LENG1: variants seen among roughly 807,000 people sequenced by gnomAD.
The protein encoded by LENG1 is leukocyte receptor cluster member 1, also known as leukocyte receptor cluster (LRC) member 1.
A neutral mutation model predicts 28.8 loss-of-function variants in LENG1; 35 were observed. The observed-to-expected ratio is 1.22, with a 90% CI of 0.93 to 1.61. LENG1 has a LOEUF of 1.61. Ranked by LOEUF, LENG1 falls within the 40% of genes most tolerant of loss-of-function variation. The pLI is 0.00. For missense variants in LENG1, 404 were observed against 348.9 expected, an observed-to-expected ratio of 1.16 and a Z score of -1.26; for synonymous variants, 170 against 140.6, an observed-to-expected ratio of 1.21 and a Z score of -1.48.
In LENG1 at chr19:54,155,830, C is replaced by T. The variant is rs762570847; in HGVS notation, c.686G>A (p.Gly229Asp). 3 of 1,612,634 alleles carry T rather than the reference C, an allele frequency of 1.9e-6. No individual in the cohort carries two copies. The South Asian group carries it at 3.3e-5, about 18-fold the overall frequency. Residue 229 changes from glycine (G) to aspartate (D), a missense_variant, in exon 4 of 4, where the codon GGT (glycine) becomes GAT (aspartate). Coordinates refer to ENST00000222224, the MANE Select transcript of LENG1 (RefSeq NM_024316.3). ...ARVQGRALQE[G>D]QPEEDETDDR... is the part of the protein sequence containing the mutation. ...ATCCGTCTCGTCTTCTTCCGGCTGA[C>T]CCTCCTGTAGTGCCCGGCCTTGGAC...
chr19:54,157,220 G>T (rs530630680), intron 2 of LENG1, among the ~76,000 whole-genome samples, 195 bp from the exon 3 acceptor site: 2 of 152,170 alleles, frequency 1.3e-5, no homozygotes, highest in Non-Finnish European at 2.9e-5. Context: ...AACAGCAGGG[G>T]AAGGAGGGGA....
Position 54,155,872 on chromosome 19 carries a change from T to G in LENG1, c.644A>C (p.Glu215Ala). The change falls in exon 4 of 4, where the codon GAG becomes GCG. Residue 215 changes from glutamate to alanine, a missense_variant. Glu to Ala is a moderately radical substitution (Grantham distance 107). Coordinates refer to ENST00000222224, the MANE Select transcript of LENG1 (RefSeq NM_024316.3). ...RREAAERSRAEALLARVQGRA... is the reference protein window; with the variant it reads ...RREAAERSRAAALLARVQGRA... The stretch of plus-strand genomic sequence containing the variant: ...GCCTTGGACCCGGGCCAGCAGGGCC[T>G]CTGCCCGAGACCTCTCAGCTGCTTC... 6.2e-7 allele frequency: 1 copy of G among 1,612,942 alleles called. No individual in the cohort carries two copies. Among genetic ancestry groups the G allele is most frequent in the Non-Finnish European group, 8.5e-7 (1 of 1,179,838 alleles).
At chr19:54,158,151 C>T (rs2075429283) in intron 2 of LENG1, 131 bp downstream of exon 2, 1 of 872,788 alleles carries the variant, frequency 1.1e-6, no homozygotes, top group East Asian at 2.4e-5. Flanking sequence ...TTTTGAGTGT[C>T]ATGCCTTGGT....
At chr19:54,159,476 G>C in intron 1 of LENG1, 88 bp downstream of exon 1, 1 of 1,360,362 alleles carries the variant, frequency 7.4e-7, no homozygotes, top group Non-Finnish European at 9.7e-7. Context: ...GGCACATTGA[G>C]CCTGCGCAAC....
chr19:54,157,028 G>T lies in LENG1; in HGVS notation c.313-3C>A. 6.6e-7 allele frequency: 1 copy of T among 1,525,914 alleles called. No homozygotes were observed. Among genetic ancestry groups the T allele is most frequent in the Non-Finnish European group, 8.8e-7 (1 of 1,136,956 alleles). 94.5% of individuals were successfully genotyped at this position (1,525,914 alleles called of 1,614,324 possible). A position where few individuals can be genotyped will look rare whatever the true frequency, so the allele number is the denominator to read the frequency against. ...CCCAGAGCTTTCTCTTGCCTCTCCTGAGGGGGCCAGGAAATACAAGAGATG... is the reference window on the plus strand; with the variant it reads ...CCCAGAGCTTTCTCTTGCCTCTCCTTAGGGGGCCAGGAAATACAAGAGATG... On this transcript the variant is annotated splice_polypyrimidine_tract_variant and splice_region_variant and intron_variant, in intron 2 of 3. Transcript: ENST00000222224.
rs1420993067 is a variant in LENG1, at chr19:54,155,891, C to CT, written c.624dup (p.Ala209SerfsTer2). On this transcript the variant is annotated frameshift_variant, in exon 4 of 4. Transcript: ENST00000222224. LOFTEE classifies it high-confidence loss of function. ...AGGGCCTCTGCCCGAGACCTCTCAG[C>CT]TGCTTCCCTCCGCAGACGTTCAGCT... is the stretch of plus-strand genomic sequence containing the variant. 1 of 1,612,632 alleles carries CT rather than the reference C, an allele frequency of 6.2e-7. No homozygotes were observed. The highest frequency in any genetic ancestry group is 1.3e-5 in the African/African-American group (1 of 74,948).
rs1325130340 is a variant in LENG1 at position 54,155,708 on chromosome 19, A to ACC, written c.*11_*12dup. ...GGCTGGCAGCAGCGGCCTCTCCTGT[A>ACC]CCCCCTCAGGAGTCAGTGAGTAAGG... On this transcript the variant is annotated 3_prime_UTR_variant, in exon 4 of 4. Coordinates refer to ENST00000222224, the MANE Select transcript of LENG1 (RefSeq NM_024316.3). 8.1e-6 allele frequency: 13 copies of ACC among 1,597,752 alleles called. No homozygotes were observed. The highest frequency in any genetic ancestry group is 1.1e-5 in the Non-Finnish European group (13 of 1,169,852).
At position 54,155,945 on chromosome 19, in the gene LENG1, G is replaced by A. The variant is rs1405493714; in HGVS notation, c.576-5C>T. Reference sequence around the variant, plus strand: ...AGCTGGTCCAGGGATGGAGGCCTGTGGGGAGAGGAGTGAGGTCAGAAAGCT... The same window carrying A: ...AGCTGGTCCAGGGATGGAGGCCTGTAGGGAGAGGAGTGAGGTCAGAAAGCT... On this transcript the variant is annotated splice_polypyrimidine_tract_variant and splice_region_variant and intron_variant, in intron 3 of 3. Transcript: ENST00000222224. The A allele has an allele frequency of 1.2e-6, 2 of 1,602,096 alleles. No individual in the cohort carries two copies. Among genetic ancestry groups the A allele is most frequent in the South Asian group, 2.2e-5 (2 of 89,272 alleles).
chr19:54,155,888 C>T lies in LENG1; in HGVS notation c.628G>A (p.Glu210Lys). The T allele has an allele frequency of 1.9e-6, 3 of 1,612,842 alleles. No homozygotes were observed. Among genetic ancestry groups the T allele is most frequent in the South Asian group, 2.2e-5 (2 of 90,832 alleles). Reference protein sequence around the residue: ...RAERLRREAAERSRAEALLAR... With the variant: ...RAERLRREAAKRSRAEALLAR... ...AGCAGGGCCTCTGCCCGAGACCTCT[C>T]AGCTGCTTCCCTCCGCAGACGTTCA... is the stretch of plus-strand genomic sequence containing the variant. The change falls in exon 4 of 4, where the codon GAG (glutamate) becomes AAG (lysine). Residue 210 changes from glutamate to lysine, a missense_variant. Glu to Lys is a moderately conservative substitution (Grantham distance 56). Transcript: ENST00000222224.
rs1471296402 is a variant in LENG1, at chr19:54,159,598, T to G, written c.98A>C (p.Glu33Ala). 1 of 1,604,108 alleles carries G rather than the reference T, an allele frequency of 6.2e-7. No homozygotes were observed. Among genetic ancestry groups the G allele is most frequent in the East Asian group, 2.2e-5 (1 of 44,648 alleles). The stretch of plus-strand genomic sequence containing the variant: ...AGCCAGCAGCACCCTCCGCTCACGC[T>G]CCTTCTCCTCCTCCCGGGCCTGGGC... The part of the protein sequence containing the change: ...DEAQAREEEK[E>A]RERRVLLAQQ... The change falls in exon 1 of 4, where the codon GAG (glutamate) becomes GCG (alanine). Residue 33 changes from glutamate to alanine, a missense_variant. Transcript: ENST00000222224.
Position 54,159,590 on chromosome 19 carries a change from G to C in LENG1, c.106C>G (p.Arg36Gly). The C allele has an allele frequency of 6.3e-7, 1 of 1,597,218 alleles. No homozygotes were observed. The highest frequency in any genetic ancestry group is 8.5e-7 in the Non-Finnish European group (1 of 1,171,662). The change falls in exon 1 of 4, where the codon CGG becomes GGG. Residue 36 changes from arginine to glycine, a missense_variant. By Grantham distance (125) the Arg-to-Gly change is moderately radical. Transcript: ENST00000222224. Reference sequence around the variant, plus strand: ...TCTTGCTGAGCCAGCAGCACCCTCCGCTCACGCTCCTTCTCCTCCTCCCGG... The same window carrying C: ...TCTTGCTGAGCCAGCAGCACCCTCCCCTCACGCTCCTTCTCCTCCTCCCGG... The part of the protein sequence containing the change: ...QAREEEKERE[R>G]RVLLAQQEAR...
chr19:54,157,191 G>C (rs1429053280), intron 2 of LENG1, among the ~76,000 whole-genome samples, 166 bp from the exon 3 acceptor site: 2 of 152,158 alleles, frequency 1.3e-5, no homozygotes, highest in Non-Finnish European at 2.9e-5. Flanking sequence ...CCCCCTGGGG[G>C]GACAGTAGCA....
rs757411240 is a variant in LENG1 at position 54,156,809 on chromosome 19, G to A, written c.529C>T (p.Arg177Cys). ...KRQHGGDEGSRSRKEKEGSEK... is the reference protein window; with the variant it reads ...KRQHGGDEGSCSRKEKEGSEK... ...GACCCCTCCTTTTCCTTTCTGCTGC[G>A]ACTGCCTTCATCACCGCCGTGCTGT... Residue 177 changes from arginine (R) to cysteine (C), a missense_variant, in exon 3 of 4, where the codon CGC becomes TGC. Coordinates refer to ENST00000222224, the MANE Select transcript of LENG1 (RefSeq NM_024316.3). The A allele has an allele frequency of 1.6e-5, 26 of 1,613,614 alleles. No individual in the cohort carries two copies. The highest frequency in any genetic ancestry group is 6.7e-5 in the East Asian group (3 of 44,874).
At chr19:54,157,516 A>G (rs1422020754) in intron 2 of LENG1, among the ~76,000 whole-genome samples, 10 of 152,020 alleles carry the variant, frequency 6.6e-5, no homozygotes, top group Non-Finnish European at 1.3e-4. Context: ...TTACAGGCAC[A>G]CACCACCATG....
chr19:54,158,563 TTA>T, intron 1 of LENG1, 102 bp from the exon 2 acceptor site: 1 of 1,160,992 alleles, frequency 8.6e-7, no homozygotes, highest in South Asian at 1.5e-5. Context: ...GGTGCTGGGG[TTA>T]TGAGAAAGGG....
rs774614836 is a variant in LENG1, at chr19:54,155,820, T to C, written c.696A>G (p.Glu232=). Residue 232 remains glutamate (E), a synonymous_variant, in exon 4 of 4, where the codon GAA becomes GAG. Transcript: ENST00000222224. ...GCCGCCGGTCATCCGTCTCGTCTTC[T>C]TCCGGCTGACCCTCCTGTAGTGCCC... ...QGRALQEGQP[E]EDETDDRRRR... is the part of the protein sequence containing the mutation. The C allele has an allele frequency of 6.2e-7, 1 of 1,612,666 alleles. No homozygotes were observed. The highest frequency in any genetic ancestry group is 1.1e-5 in the South Asian group (1 of 90,848).
chr19:54,159,656 T>G lies in LENG1; in HGVS notation c.40A>C (p.Lys14Gln), dbSNP rs953092587. 3.1e-6 allele frequency: 5 copies of G among 1,613,458 alleles called. No individual in the cohort carries two copies. Among genetic ancestry groups the G allele is most frequent in the Admixed American group, 1.7e-5 (1 of 59,948 alleles). ...CGCCGCACGCGGGCGACATTGTCCTTGTTCCGGACGTGCCAGCTCTTCTTG... is the reference window on the plus strand; with the variant it reads ...CGCCGCACGCGGGCGACATTGTCCTGGTTCCGGACGTGCCAGCTCTTCTTG... ...LPKKSWHVRNKDNVARVRRDE... is the reference protein window; with the variant it reads ...LPKKSWHVRNQDNVARVRRDE... Residue 14 changes from lysine (K) to glutamine (Q), a missense_variant, in exon 1 of 4, where the codon AAG (lysine) becomes CAG (glutamine). By Grantham distance (53) the Lys-to-Gln change is moderately conservative. Coordinates refer to ENST00000222224, the MANE Select transcript of LENG1 (RefSeq NM_024316.3).
chr19:54,159,641 G>A lies in LENG1; in HGVS notation c.55C>T (p.Arg19Cys). 2.5e-6 allele frequency: 4 copies of A among 1,613,174 alleles called. 1 individual carries two copies. The highest frequency in any genetic ancestry group is 3.3e-4 in the Middle Eastern group (2 of 6,056). The change falls in exon 1 of 4, where the codon CGC becomes TGC. Residue 19 changes from arginine to cysteine, a missense_variant. By Grantham distance (180) the Arg-to-Cys change is radical (BLOSUM62 -3). Coordinates refer to ENST00000222224, the MANE Select transcript of LENG1 (RefSeq NM_024316.3). The stretch of plus-strand genomic sequence containing the variant: ...GCCTGGGCCTCGTCACGCCGCACGC[G>A]GGCGACATTGTCCTTGTTCCGGACG... ...WHVRNKDNVA[R>C]VRRDEAQARE...
At position 54,155,210 on chromosome 19, in the gene LENG1, C is replaced by G. The variant is rs758840187; in HGVS notation, c.*511G>C. 1.1e-5 allele frequency: 16 copies of G among 1,480,152 alleles called. No homozygotes were observed. The African/African-American group carries it at 1.1e-4, about 10-fold the overall frequency. The allele number at this position is 1,480,152 out of a possible 1,614,324, so 91.7% of individuals were successfully genotyped here. A position where few individuals can be genotyped will look rare whatever the true frequency, so the allele number is the denominator to read the frequency against. On this transcript the variant is annotated 3_prime_UTR_variant, in exon 4 of 4. Coordinates refer to ENST00000222224, the MANE Select transcript of LENG1 (RefSeq NM_024316.3). ...AGGGCAGCTGGCCCGGTGCCTGACA[C>G]ATCCACAGCCCTAAGAATTGTCCCC...
Sources: gnomAD v4.1 joint callset for allele counts (sites outside exome capture counted in the v4.1 genomes callset) on GRCh38, gnomAD v4.1.1 for gene constraint, MANE v1.5 for transcripts, NCBI Gene and HGNC (gene_info 2026-07-23, HGNC 2026-07-21) for gene names.